CNKSR3: variants seen among roughly 807,000 people sequenced by gnomAD.
CNKSR3 encodes CNKSR family member 3.
Under a neutral mutation model 67.7 loss-of-function variants are expected in CNKSR3, and 36 were observed. The observed-to-expected ratio is 0.53, with a 90% CI of 0.41 to 0.70. The LOEUF is 0.70. Ranked by LOEUF, CNKSR3 falls within the 30% of genes least tolerant of loss-of-function variation. CNKSR3 has a pLI of 0.00. For synonymous variants in CNKSR3, 281 were observed against 271.4 expected (o/e 1.04, Z -0.35); for missense variants, 630 against 695.2 (o/e 0.91, Z 1.05).
chr6:154,503,055 A>G (rs969560113), intron 1 of CNKSR3, among the ~76,000 whole-genome samples: 2 of 152,134 alleles, frequency 1.3e-5, no homozygotes, highest in African/African-American at 2.4e-5. Flanking sequence ...CGCAACTCAT[A>G]TATTTGTGCC....
chr6:154,411,273 T>C (rs1483756461), intron 10 of CNKSR3, 131 bp from the exon 11 acceptor site: 5 of 673,464 alleles, frequency 7.4e-6, no homozygotes, highest in Non-Finnish European at 1.2e-5. Context: ...AGGAAAAGCA[T>C]TCCTTTTGTC....
intron 1 of CNKSR3, among the ~76,000 whole-genome samples, chr6:154,463,616 C>T (rs1786131081): frequency 6.6e-6 from 1 of 152,160 alleles, no homozygotes; most frequent in South Asian, 2.1e-4. Flanking sequence ...CTCTTGTTCT[C>T]CAGAAAACCC....
rs114123584 is a variant in CNKSR3, at chr6:154,473,003, T to C, written c.53-22745A>G. On this transcript the variant is annotated intron_variant, in intron 1 of 12. Transcript: ENST00000607772. ...CTGCTGGTCAGTGGAGGGAAGTTGG[T>C]GATGAAGGAAGGAAGAAGGCAAAGA... Among the ~76,000 whole-genome samples the C allele has an allele frequency of 5.5e-3, 842 of 152,076 alleles. 6 individuals carry two copies. The highest frequency in any genetic ancestry group is 0.019 in the African/African-American group (780 of 41,442).
At chr6:154,425,087 A>T (rs1462619997) in intron 7 of CNKSR3, among the ~76,000 whole-genome samples, 1 of 152,214 alleles carries the variant, frequency 6.6e-6, no homozygotes, top group Non-Finnish European at 1.5e-5. Flanking sequence ...CAGATTTCTT[A>T]CATCACTTAA....
chr6:154,488,127 A>G (rs1342285815), intron 1 of CNKSR3, among the ~76,000 whole-genome samples: 1 of 152,218 alleles, frequency 6.6e-6, no homozygotes, highest in Non-Finnish European at 1.5e-5. Flanking sequence ...ATCTGCTTTT[A>G]TAAGAAAAGT....
In CNKSR3 at chr6:154,442,177, G is replaced by A. The variant is rs766101955; in HGVS notation, c.330C>T (p.Gly110=). 1 of 1,614,224 alleles carries A rather than the reference G, an allele frequency of 6.2e-7. No individual in the cohort carries two copies. The highest frequency in any genetic ancestry group is 2.2e-5 in the East Asian group (1 of 44,890). Residue 110 remains glycine, a synonymous_variant, in exon 3 of 13, where the codon GGC becomes GGT. Coordinates refer to ENST00000607772, the MANE Select transcript of CNKSR3 (RefSeq NM_173515.4). ...SSRRKSPAYD[G]NTSRKAPNEF... is the part of the protein sequence containing the mutation. ...CATTGGGGGCCTTGCGGGAGGTGTT[G>A]CCATCGTAAGCGGGACTTTTCCGTC...
intron 7 of CNKSR3, among the ~76,000 whole-genome samples, chr6:154,423,305 C>T (rs939358072): frequency 3.3e-5 from 5 of 152,184 alleles, no homozygotes; most frequent in African/African-American, 1.2e-4. Context: ...CACTCTGTCA[C>T]CCAGGCTGGA....
chr6:154,412,195 CT>C (rs1401777403), intron 10 of CNKSR3, among the ~76,000 whole-genome samples: 2 of 152,212 alleles, frequency 1.3e-5, no homozygotes, highest in Non-Finnish European at 2.9e-5. Context: ...CCACCTACCC[CT>C]CCCACCCACA....
intron 4 of CNKSR3, among the ~76,000 whole-genome samples, chr6:154,438,225 A>T (rs1201071878): frequency 3.3e-5 from 5 of 152,036 alleles, no homozygotes; most frequent in Non-Finnish European, 7.4e-5. Context: ...TTATAAATAA[A>T]ATTTTTTGTT....
chr6:154,406,261 A>G lies in CNKSR3; in HGVS notation c.*93T>C, dbSNP rs1784785456. Reference sequence around the variant, plus strand: ...AAAAGAAATTGCATAAGGTCCCTACATAATACTGAGGCTGAAACGAGAAGA... The same window carrying G: ...AAAAGAAATTGCATAAGGTCCCTACGTAATACTGAGGCTGAAACGAGAAGA... On this transcript the variant is annotated 3_prime_UTR_variant, in exon 13 of 13. Coordinates refer to ENST00000607772, the MANE Select transcript of CNKSR3 (RefSeq NM_173515.4). The G allele has an allele frequency of 1.6e-6, 2 of 1,219,386 alleles. No individual in the cohort carries two copies. Among genetic ancestry groups the G allele is most frequent in the Non-Finnish European group, 2.3e-6 (2 of 876,150 alleles). The allele number at this position is 1,219,386 out of a possible 1,614,324, so 75.5% of individuals were successfully genotyped here. A position where few individuals can be genotyped will look rare whatever the true frequency, so the allele number is the denominator to read the frequency against.
intron 1 of CNKSR3, among the ~76,000 whole-genome samples, chr6:154,468,059 CTT>C (rs554569457): frequency 7.9e-6 from 1 of 126,648 alleles, no homozygotes; most frequent in Non-Finnish European, 1.7e-5. Flanking sequence ...CACGCCTAGG[CTT>C]TTTTTTTTTC....
Position 154,406,652 on chromosome 6 carries a change from CCT to C in CNKSR3, c.1370-2_1370-1del, listed in dbSNP as rs768847165. 55 of 1,609,000 alleles carry C rather than the reference CCT, an allele frequency of 3.4e-5. No individual in the cohort carries two copies. Among genetic ancestry groups the C allele is most frequent in the Admixed American group, 1.0e-4 (6 of 59,648 alleles). On this transcript the variant is annotated splice_acceptor_variant, in intron 12 of 12. Transcript: ENST00000607772. LOFTEE classifies it high-confidence loss of function. ...GAAATACCGGCAAAGGGCATCCTCC[CCT>C]GTTTCCAGACAAAGTCCATTAAGTC...
chr6:154,425,939 G>A (rs1785245436), intron 7 of CNKSR3, among the ~76,000 whole-genome samples: 1 of 152,194 alleles, frequency 6.6e-6, no homozygotes. Flanking sequence ...CCATTCAAGT[G>A]TATTAATACC....
intron 4 of CNKSR3, among the ~76,000 whole-genome samples, chr6:154,435,135 A>G: frequency 6.6e-6 from 1 of 151,734 alleles, no homozygotes; most frequent in Non-Finnish European, 1.5e-5. Flanking sequence ...AACTGGGACC[A>G]CAGGTGCACA....
chr6:154,414,451 A>C, intron 9 of CNKSR3, 28 bp from the exon 10 acceptor site: 1 of 1,564,830 alleles, frequency 6.4e-7, no homozygotes, highest in Middle Eastern at 1.7e-4. Flanking sequence ...CAGCAATGCA[A>C]AGAGTGGAGA....
intron 3 of CNKSR3, 93 bp from the exon 4 acceptor site, chr6:154,441,472 C>T: frequency 3.5e-6 from 3 of 866,830 alleles, no homozygotes; most frequent in East Asian, 2.5e-5. Context: ...CCATGGGCTA[C>T]TCTAAATTCC....
intron 1 of CNKSR3, among the ~76,000 whole-genome samples, chr6:154,493,262 T>C (rs1225365398): frequency 1.3e-5 from 2 of 152,210 alleles, no homozygotes; most frequent in Non-Finnish European, 2.9e-5. Flanking sequence ...CTGGTCATCC[T>C]AGTTAAAATT....
chr6:154,415,508 G>T (rs1044909979), intron 9 of CNKSR3, among the ~76,000 whole-genome samples: 3 of 152,138 alleles, frequency 2.0e-5, no homozygotes, highest in Non-Finnish European at 4.4e-5. Context: ...TGGGATTACA[G>T]GTGTGAACCA....
intron 2 of CNKSR3, among the ~76,000 whole-genome samples, chr6:154,443,791 C>T (rs1272929902): frequency 1.3e-5 from 2 of 152,162 alleles, no homozygotes; most frequent in Non-Finnish European, 2.9e-5. Context: ...CCCAGGAGGT[C>T]AAGGCTGCAG....
Sources: gnomAD v4.1 joint callset for allele counts (sites outside exome capture counted in the v4.1 genomes callset) on GRCh38, gnomAD v4.1.1 for gene constraint, MANE v1.5 for transcripts, NCBI Gene and HGNC (gene_info 2026-07-23, HGNC 2026-07-21) for gene names.